UBE2E2: variants seen among roughly 807,000 people sequenced by gnomAD.
UBE2E2 encodes ubiquitin-conjugating enzyme E2 E2.
A neutral mutation model predicts 24.7 loss-of-function variants in UBE2E2; 6 were observed. That is an observed-to-expected ratio of 0.24 (90% CI 0.13 to 0.48). The LOEUF (loss-of-function observed/expected upper bound fraction) is 0.48. UBE2E2 is among the 20% of genes least tolerant of loss of function. UBE2E2 has a pLI of 0.99. For missense variants in UBE2E2, 169 were observed against 245.0 expected (o/e 0.69, Z 2.07); for synonymous variants, 104 against 83.6 (o/e 1.24, Z -1.33).
At chr3:23,514,380 A>T (rs1259158076) in intron 4 of UBE2E2, among the ~76,000 whole-genome samples, 3 of 152,222 alleles carry the variant, frequency 2.0e-5, no homozygotes, top group Non-Finnish European at 2.9e-5. Flanking sequence ...ATGAATATTC[A>T]TTTAGCCTGT....
intron 3 of UBE2E2, among the ~76,000 whole-genome samples, chr3:23,423,160 T>G (rs1351571279): frequency 2.0e-5 from 3 of 152,216 alleles, no homozygotes; most frequent in Non-Finnish European, 4.4e-5. Flanking sequence ...AACTTGAAAT[T>G]AAAGCTTTTA....
chr3:23,411,156 G>C (rs543308036), intron 3 of UBE2E2, among the ~76,000 whole-genome samples: 1 of 152,204 alleles, frequency 6.6e-6, no homozygotes, highest in South Asian at 2.1e-4. Context: ...GGAAAAGCAG[G>C]ATTCAGGCAG....
At chr3:23,355,477 G>A (rs1695917242) in intron 3 of UBE2E2, among the ~76,000 whole-genome samples, 1 of 152,138 alleles carries the variant, frequency 6.6e-6, no homozygotes, top group Non-Finnish European at 1.5e-5. Context: ...AAATTTTTAT[G>A]GATTAAACAG....
chr3:23,539,837 A>T (rs1323837063), intron 5 of UBE2E2, among the ~76,000 whole-genome samples: 1 of 152,192 alleles, frequency 6.6e-6, no homozygotes, highest in Non-Finnish European at 1.5e-5. Context: ...AATTTTCACT[A>T]AGTGAAGACG....
chr3:23,537,171 T>TTTCA (rs1452853381), intron 5 of UBE2E2, among the ~76,000 whole-genome samples: 1 of 152,216 alleles, frequency 6.6e-6, no homozygotes, highest in Non-Finnish European at 1.5e-5. Flanking sequence ...GGCTTGTGTA[T>TTTCA]TTCATTCCCC....
chr3:23,335,316 T>C (rs762044407), intron 3 of UBE2E2, among the ~76,000 whole-genome samples: 4 of 152,172 alleles, frequency 2.6e-5, no homozygotes, highest in African/African-American at 7.2e-5. Flanking sequence ...CTGGCTTTCA[T>C]TGGCGTAGTT....
chr3:23,306,258 G>A (rs1469657802), intron 3 of UBE2E2, among the ~76,000 whole-genome samples: 2 of 152,188 alleles, frequency 1.3e-5, no homozygotes, highest in African/African-American at 4.8e-5. Context: ...TTGACTGTCT[G>A]TGTCTCAGTT....
At chr3:23,205,490 G>T (rs987317040) in intron 1 of UBE2E2, among the ~76,000 whole-genome samples, 1 of 152,036 alleles carries the variant, frequency 6.6e-6, no homozygotes. Flanking sequence ...ATAAAAATTC[G>T]TTGCACCTGA....
intron 4 of UBE2E2, among the ~76,000 whole-genome samples, chr3:23,507,728 C>G (rs184541769): frequency 6.6e-6 from 1 of 152,294 alleles, no homozygotes; most frequent in Non-Finnish European, 1.5e-5. Context: ...ATTATACACT[C>G]TGGTATGAAT....
In UBE2E2 at chr3:23,583,058, T is replaced by G. The variant is rs925922206; in HGVS notation, c.509-6676T>G. Among the ~76,000 whole-genome samples, 4 of 152,138 alleles carry G rather than the reference T, an allele frequency of 2.6e-5. No homozygotes were observed. The highest frequency in any genetic ancestry group is 9.7e-5 in the African/African-American group (4 of 41,414). ...GTTGTCTTCCAGGGTTTTCATAGTT[T>G]TAGGTTTTACATTTAAGTCTTTAAT... On this transcript the variant is annotated intron_variant, in intron 5 of 5. Coordinates refer to ENST00000396703, the MANE Select transcript of UBE2E2 (RefSeq NM_152653.4). The surrounding 1 kb of genome is among the most constrained non-coding windows in gnomAD (Gnocchi z 4.1).
intron 3 of UBE2E2, among the ~76,000 whole-genome samples, chr3:23,332,033 C>T (rs1221748635): frequency 6.6e-6 from 1 of 151,914 alleles, no homozygotes; most frequent in East Asian, 1.9e-4. Context: ...TAATACGGAT[C>T]TGAAATAATT....
intron 3 of UBE2E2, among the ~76,000 whole-genome samples, chr3:23,429,313 CCAGA>C (rs1479950937): frequency 1.3e-5 from 2 of 152,072 alleles, no homozygotes; most frequent in Admixed American, 6.6e-5. Flanking sequence ...AATACCAAAA[CCAGA>C]CAAAGACATT....
chr3:23,250,937 A>G (rs1697558037), intron 3 of UBE2E2, among the ~76,000 whole-genome samples: 1 of 152,170 alleles, frequency 6.6e-6, no homozygotes, highest in Non-Finnish European at 1.5e-5. Flanking sequence ...AGCTCACTGC[A>G]ACCTTGAATT....
At chr3:23,283,910 G>A (rs920547371) in intron 3 of UBE2E2, among the ~76,000 whole-genome samples, 1 of 152,184 alleles carries the variant, frequency 6.6e-6, no homozygotes, top group Non-Finnish European at 1.5e-5. Flanking sequence ...CCTTGATTCT[G>A]ATATGTGCAC....
chr3:23,274,123 T>C (rs1698320708), intron 3 of UBE2E2, among the ~76,000 whole-genome samples: 1 of 152,254 alleles, frequency 6.6e-6, no homozygotes, highest in Admixed American at 6.5e-5. Flanking sequence ...TACTGTGCTG[T>C]TGTATTTGTC....
chr3:23,368,897 A>T (rs1363552811), intron 3 of UBE2E2, among the ~76,000 whole-genome samples: 1 of 152,222 alleles, frequency 6.6e-6, no homozygotes, highest in African/African-American at 2.4e-5. Context: ...TTCTTAATGG[A>T]AACCAGTGAT....
At chr3:23,331,596 G>T (rs1695059607) in intron 3 of UBE2E2, among the ~76,000 whole-genome samples, 1 of 151,862 alleles carries the variant, frequency 6.6e-6, no homozygotes, top group African/African-American at 2.4e-5. Flanking sequence ...GGTGAGGAGG[G>T]GACAAGGTGT....
chr3:23,337,924 G>A (rs1378024552), intron 3 of UBE2E2, among the ~76,000 whole-genome samples: 1 of 152,112 alleles, frequency 6.6e-6, no homozygotes, highest in Non-Finnish European at 1.5e-5. Context: ...AGATTGGAGG[G>A]AAGCAAAATT....
intron 3 of UBE2E2, among the ~76,000 whole-genome samples, chr3:23,412,514 A>T (rs1314224365): frequency 6.6e-6 from 1 of 152,162 alleles, no homozygotes; most frequent in African/African-American, 2.4e-5. Context: ...GGCTGCTAGT[A>T]GAATTCCTAC....
Sources: gnomAD v4.1 joint callset for allele counts (sites outside exome capture counted in the v4.1 genomes callset) on GRCh38, gnomAD v4.1.1 for gene constraint, Gnocchi (gnomAD v3.1) non-coding constraint, MANE v1.5 for transcripts, NCBI Gene and HGNC (gene_info 2026-07-23, HGNC 2026-07-21) for gene names.